DLC1: variants seen among roughly 807,000 people sequenced by gnomAD.
The protein encoded by DLC1 is rho GTPase-activating protein 7.
Under a neutral mutation model 140.3 loss-of-function variants are expected in DLC1, and 54 were observed. The observed-to-expected ratio is 0.38, with a 90% CI of 0.31 to 0.48. DLC1 has a LOEUF of 0.48. DLC1 is among the 20% of genes least tolerant of loss of function. DLC1 has a pLI of 0.96. For missense variants in DLC1, 2,536 were observed against 1,907.0 expected, an observed-to-expected ratio of 1.33 and a Z score of -6.14; for synonymous variants, 986 against 728.1, an observed-to-expected ratio of 1.35 and a Z score of -5.70.
At chr8:13,547,012 A>G (rs1487895785) in intron 1 of DLC1, among the ~76,000 whole-genome samples, 2 of 152,148 alleles carry the variant, frequency 1.3e-5, no homozygotes. Flanking sequence ...TTAAATGTCT[A>G]TGATATAAAA....
chr8:13,091,558 T>G, intron 13 of DLC1, 126 bp from the exon 14 acceptor site: 1 of 750,626 alleles, frequency 1.3e-6, no homozygotes, highest in Non-Finnish European at 2.1e-6. Context: ...TATTGTTAAG[T>G]GGATTAAGAG....
chr8:13,360,879 ATT>A lies in DLC1; in HGVS notation c.1314+32672_1314+32673del, dbSNP rs71207147. On this transcript the variant is annotated intron_variant, in intron 4 of 17. Coordinates refer to ENST00000276297, the MANE Select transcript of DLC1 (RefSeq NM_182643.3). ...GCTGGGCTCATGTTTTATACACATTATTTTTTTTTTTTCTTTTTCACCTTAAT... is the reference window on the plus strand; with the variant it reads ...GCTGGGCTCATGTTTTATACACATTATTTTTTTTTTCTTTTTCACCTTAAT... Among the ~76,000 whole-genome samples, 747 of 104,216 alleles carry A rather than the reference ATT, an allele frequency of 7.2e-3. 8 individuals carry two copies. Among genetic ancestry groups the A allele is most frequent in the African/African-American group, 0.02 (708 of 34,834 alleles). 68.4% of individuals were successfully genotyped at this position (104,216 alleles called of 152,430 possible).
intron 1 of DLC1, among the ~76,000 whole-genome samples, chr8:13,564,357 A>G (rs1189027797): frequency 6.6e-6 from 1 of 152,212 alleles, no homozygotes; most frequent in Non-Finnish European, 1.5e-5. Flanking sequence ...CATTACAGTG[A>G]GATTCTTGTC....
chr8:13,297,292 A>AAAAAAAAAAAAAAAAAAAAAAAAAAAC (rs1563233241), intron 5 of DLC1, among the ~76,000 whole-genome samples: 4 of 144,454 alleles, frequency 2.8e-5, no homozygotes, highest in African/African-American at 1.0e-4. Flanking sequence ...TAAAAAAAAA[A>AAAAAAAAAAAAAAAAAAAAAAAAAAAC]AAAACTGAAG....
chr8:13,420,719 T>C (rs757290845), intron 2 of DLC1, among the ~76,000 whole-genome samples: 51 of 152,188 alleles, frequency 3.4e-4, no homozygotes, highest in Non-Finnish European at 4.6e-4. Flanking sequence ...TCCATGTCCC[T>C]GCAAATCACA....
chr8:13,498,516 A>G (rs918744315), intron 2 of DLC1, among the ~76,000 whole-genome samples: 1 of 152,174 alleles, frequency 6.6e-6, no homozygotes, highest in African/African-American at 2.4e-5. Flanking sequence ...GTGCCAGGGT[A>G]TCACTTAAAA....
At chr8:13,557,412 A>G (rs1804086527) in intron 1 of DLC1, among the ~76,000 whole-genome samples, 1 of 152,106 alleles carries the variant, frequency 6.6e-6, no homozygotes, top group African/African-American at 2.4e-5. Flanking sequence ...ATGTGAGAAG[A>G]GTCTGGAGGT....
chr8:13,405,306 C>A (rs1364848235), intron 2 of DLC1, among the ~76,000 whole-genome samples: 1 of 151,506 alleles, frequency 6.6e-6, no homozygotes, highest in Admixed American at 6.6e-5. Flanking sequence ...CTCCTTCTCC[C>A]CTCTGTGGTC....
At chr8:13,164,778 A>G (rs1824982053) in intron 5 of DLC1, among the ~76,000 whole-genome samples, 1 of 152,204 alleles carries the variant, frequency 6.6e-6, no homozygotes, top group Non-Finnish European at 1.5e-5. Flanking sequence ...CTACCCAGAC[A>G]CTGTCAATGG....
chr8:13,397,929 G>A (rs901577359), intron 3 of DLC1, among the ~76,000 whole-genome samples: 21 of 152,006 alleles, frequency 1.4e-4, no homozygotes, highest in South Asian at 2.1e-4. Context: ...TGAGGAGATC[G>A]AGACCATCCT....
At chr8:13,292,470 G>T (rs905706566) in intron 5 of DLC1, among the ~76,000 whole-genome samples, 2 of 152,104 alleles carry the variant, frequency 1.3e-5, no homozygotes, top group Non-Finnish European at 2.9e-5. Context: ...ATGTTTTCTG[G>T]ATATAATAAG....
chr8:13,213,079 A>G (rs973873621), intron 5 of DLC1, among the ~76,000 whole-genome samples: 6 of 152,244 alleles, frequency 3.9e-5, no homozygotes, highest in African/African-American at 1.4e-4. Flanking sequence ...ACTGCTCTTC[A>G]TTTTAGTCTC....
At chr8:13,162,936 C>T (rs943469813) in intron 5 of DLC1, among the ~76,000 whole-genome samples, 4 of 152,140 alleles carry the variant, frequency 2.6e-5, no homozygotes, top group African/African-American at 9.7e-5. Flanking sequence ...ATAAAGTAAA[C>T]AATGGGGCTT....
chr8:13,371,738 C>G (rs1490056815), intron 4 of DLC1, among the ~76,000 whole-genome samples: 1 of 152,168 alleles, frequency 6.6e-6, no homozygotes, highest in Admixed American at 6.5e-5. Flanking sequence ...CCACTCCAGG[C>G]TTTCCTGAGT....
chr8:13,557,253 C>G (rs1804080992), intron 1 of DLC1, among the ~76,000 whole-genome samples: 1 of 152,064 alleles, frequency 6.6e-6, no homozygotes, highest in African/African-American at 2.4e-5. Flanking sequence ...CCAACCCACA[C>G]TAGTTAATTG....
At chr8:13,435,370 A>G (rs1347701731) in intron 2 of DLC1, among the ~76,000 whole-genome samples, 7 of 152,022 alleles carry the variant, frequency 4.6e-5, no homozygotes, top group African/African-American at 1.4e-4. Context: ...CTGGAGTGCA[A>G]TGGCTCGATC....
At chr8:13,481,116 T>C (rs1404975948) in intron 2 of DLC1, among the ~76,000 whole-genome samples, 1 of 152,114 alleles carries the variant, frequency 6.6e-6, no homozygotes, top group Non-Finnish European at 1.5e-5. Flanking sequence ...TTAACTAAAA[T>C]ATTAAAAATG....
intron 16 of DLC1, among the ~76,000 whole-genome samples, chr8:13,086,749 T>G (rs1415527634): frequency 1.3e-5 from 2 of 152,130 alleles, no homozygotes; most frequent in African/African-American, 2.4e-5. Context: ...TAAGGCTGGG[T>G]TCCATGGCTC....
chr8:13,213,298 C>A (rs78944087), intron 5 of DLC1, among the ~76,000 whole-genome samples: 3,106 of 152,262 alleles, frequency 0.02, 51 homozygotes, highest in African/African-American at 0.041. Flanking sequence ...GTGCATTATA[C>A]ACCTCTGTGG....
Sources: allele counts gnomAD v4.1 joint callset (sites outside exome capture counted in the v4.1 genomes callset), GRCh38; gene constraint gnomAD v4.1.1; transcripts MANE v1.5; gene names NCBI Gene and HGNC (gene_info 2026-07-23, HGNC 2026-07-21).